The following IQGAP3 variants were observed in gnomAD, a reference collection of about 807,000 sequenced individuals.
The protein encoded by IQGAP3 is IQ motif containing GTPase activating protein 3, also known as ras GTPase-activating-like protein IQGAP3.
In IQGAP3, 165 loss-of-function variants were observed where a neutral mutation model predicts 208.2. The ratio of observed to expected loss-of-function variants is 0.79; its 90% CI spans 0.70 to 0.90. The LOEUF is 0.90. IQGAP3 is among the 40% of genes least tolerant of loss of function. The pLI, the probability that IQGAP3 is intolerant of heterozygous loss-of-function variation, is 0.00. For missense variants in IQGAP3, 1,811 were observed against 2,043.1 expected (o/e 0.89, Z 2.19); for synonymous variants, 703 against 803.6 (o/e 0.87, Z 2.12).
chr1:156,547,167 CAATT>C (rs1331135256), intron 19 of IQGAP3, among the ~76,000 whole-genome samples: 1 of 152,144 alleles, frequency 6.6e-6, no homozygotes, highest in East Asian at 1.9e-4. Flanking sequence ...CCTCATGTCT[CAATT>C]ACTTATGGGT....
intron 13 of IQGAP3, among the ~76,000 whole-genome samples, chr1:156,553,886 ATCT>A (rs915140469): frequency 5.3e-5 from 8 of 152,292 alleles, no homozygotes; most frequent in South Asian, 2.1e-4. Context: ...CAGCCACCTC[ATCT>A]TCTTTTCTCA....
At chr1:156,538,214 C>A (rs1674800012) in intron 26 of IQGAP3, among the ~76,000 whole-genome samples, 1 of 152,182 alleles carries the variant, frequency 6.6e-6, no homozygotes, top group Non-Finnish European at 1.5e-5. Flanking sequence ...GTGCCTGCCA[C>A]CACGCCCGGC....
chr1:156,526,513 G>T lies in IQGAP3; in HGVS notation c.4869C>A (p.Leu1623=). 1.2e-6 allele frequency: 2 copies of T among 1,614,008 alleles called. No individual in the cohort carries two copies. Among genetic ancestry groups the T allele is most frequent in the Non-Finnish European group, 1.7e-6 (2 of 1,179,844 alleles). Residue 1623 remains leucine (L), a synonymous_variant, in exon 38 of 38, where the codon CTC becomes CTA. Coordinates refer to ENST00000361170, the MANE Select transcript of IQGAP3 (RefSeq NM_178229.5). The part of the protein sequence containing the change: ...AKVNVNLLIF[L]LNKKFLRK ...ACTTCCGCAAAAACTTCTTGTTGAG[G>T]AGGAAGATGAGAAGGTTGACATTGA... is the stretch of plus-strand genomic sequence containing the variant.
chr1:156,531,529 C>T (rs1428008570), intron 32 of IQGAP3, among the ~76,000 whole-genome samples: 3 of 151,886 alleles, frequency 2.0e-5, no homozygotes, highest in Non-Finnish European at 4.4e-5. Context: ...CTTGGTGGTG[C>T]TCTGTGTTCA....
chr1:156,547,078 T>A (rs948014149), intron 19 of IQGAP3, among the ~76,000 whole-genome samples: 3 of 152,206 alleles, frequency 2.0e-5, no homozygotes, highest in African/African-American at 7.2e-5. Context: ...CCAGATCACA[T>A]CTGCCTGGGA....
chr1:156,559,726 A>C lies in IQGAP3; in HGVS notation c.1129+1208T>G, dbSNP rs1486220776. On this transcript the variant is annotated intron_variant, in intron 11 of 37. Transcript: ENST00000361170. The stretch of plus-strand genomic sequence containing the variant: ...CCGGTGATGGGAAAGGCTGGAGGGC[A>C]ATCTAGGGAGAATAGATTGTTTGCT... 3.3e-5 allele frequency among the ~76,000 whole-genome samples: 5 copies of C among 152,228 alleles called. No homozygotes were observed. The East Asian group carries it at 9.6e-4, about 29-fold the overall frequency.
rs199906363 is a variant in IQGAP3, at chr1:156,540,904, T to A, written c.2543A>T (p.His848Leu). The A allele has an allele frequency of 6.2e-7, 1 of 1,613,332 alleles. No individual in the cohort carries two copies. The highest frequency in any genetic ancestry group is 8.5e-7 in the Non-Finnish European group (1 of 1,179,836). ...DDYRILVHAP[H>L]PPLSVVRRFA... The stretch of plus-strand genomic sequence containing the variant: ...TCTGCGTACCACACTGAGAGGAGGG[T>A]GGGGTGCATGCACTGGGAGGAAGGG... The change falls in exon 23 of 38, where the codon CAC (histidine) becomes CTC (leucine). Residue 848 changes from histidine (H) to leucine (L), a missense_variant. Coordinates refer to ENST00000361170, the MANE Select transcript of IQGAP3 (RefSeq NM_178229.5).
At position 156,551,957 on chromosome 1, in the gene IQGAP3, C is replaced by A. The variant is rs892288033; in HGVS notation, c.1570+17G>T. ...CCTAAGTTGGGCCATCTCCACCCAG[C>A]TCCAGACTATACTTACGGTCAGTCT... On this transcript the variant is annotated intron_variant, in intron 14 of 37. Transcript: ENST00000361170. 4.3e-6 allele frequency: 7 copies of A among 1,611,560 alleles called. No individual in the cohort carries two copies. The highest frequency in any genetic ancestry group is 5.9e-6 in the Non-Finnish European group (7 of 1,178,498).
At chr1:156,568,366 C>A (rs766674766) in intron 2 of IQGAP3, among the ~76,000 whole-genome samples, 5 of 135,908 alleles carry the variant, frequency 3.7e-5, no homozygotes, top group Non-Finnish European at 6.3e-5. Context: ...AGGCATGCAC[C>A]ACTGCGACCA....
intron 31 of IQGAP3, among the ~76,000 whole-genome samples, chr1:156,533,492 C>A (rs953337424): frequency 1.3e-5 from 2 of 152,166 alleles, no homozygotes; most frequent in Non-Finnish European, 2.9e-5. Context: ...GAAACCCCTC[C>A]TTCTCAGAGA....
intron 34 of IQGAP3, among the ~76,000 whole-genome samples, chr1:156,529,330 A>G (rs1674267601): frequency 6.6e-6 from 1 of 152,158 alleles, no homozygotes; most frequent in African/African-American, 2.4e-5. Context: ...AGTTGCAAGG[A>G]TACTTTTGTA....
At chr1:156,554,450 T>G in intron 12 of IQGAP3, 58 bp from the exon 13 acceptor site, 9 of 1,483,838 alleles carry the variant, frequency 6.1e-6, no homozygotes, top group Non-Finnish European at 8.1e-6. Context: ...TAAAGGCCTA[T>G]TCACCATCCT....
At chr1:156,527,780 G>A (rs1011494960) in intron 37 of IQGAP3, among the ~76,000 whole-genome samples, 172 bp downstream of exon 37, 1 of 152,130 alleles carries the variant, frequency 6.6e-6, no homozygotes, top group Non-Finnish European at 1.5e-5. Context: ...GGGAAAGGGG[G>A]GCTTGGGCTG....
intron 7 of IQGAP3, 26 bp from the exon 8 acceptor site, chr1:156,563,338 C>A: frequency 6.4e-7 from 1 of 1,563,712 alleles, no homozygotes; most frequent in South Asian, 1.2e-5. Context: ...GAAACAAGGT[C>A]AGGAGGCCAG....
rs1305646391 is a variant in IQGAP3, at chr1:156,548,089, G to A, written c.2288C>T (p.Ala763Val). The A allele has an allele frequency of 6.2e-7, 1 of 1,613,362 alleles. No homozygotes were observed. Among genetic ancestry groups the A allele is most frequent in the Admixed American group, 1.7e-5 (1 of 59,946 alleles). The stretch of plus-strand genomic sequence containing the variant: ...GCCTGCCACCTGGATCTTGATGACT[G>A]CTGGGAGCCAGGTCCTCAGAAAGTG... ...HSHFLRTWLP[A>V]VIKIQAHWRG... Residue 763 changes from alanine (A) to valine (V), a missense_variant, in exon 19 of 38, where the codon GCA becomes GTA. Ala to Val is a moderately conservative substitution (Grantham distance 64, BLOSUM62 0). Coordinates refer to ENST00000361170, the MANE Select transcript of IQGAP3 (RefSeq NM_178229.5).
chr1:156,542,557 T>A (rs1166377826), intron 22 of IQGAP3, among the ~76,000 whole-genome samples: 1 of 152,166 alleles, frequency 6.6e-6, no homozygotes, highest in African/African-American at 2.4e-5. Context: ...TTGGATTCGA[T>A]GAAATACAGC....
rs1675484331 is a variant in IQGAP3 at position 156,550,273 on chromosome 1, T to C, written c.1813A>G (p.Thr605Ala). Residue 605 changes from threonine to alanine, a missense_variant, in exon 16 of 38, where the codon ACA (threonine) becomes GCA (alanine). Transcript: ENST00000361170. ...GVVRANQDTN[T>A]AQRMALGVAA... ...CCAGTCCATTTACTTCTCTGAGCTG[T>C]ATTAGTGTCCTGGTTGGCTCTGACC... 6.2e-7 allele frequency: 1 copy of C among 1,611,676 alleles called. No individual in the cohort carries two copies. The highest frequency in any genetic ancestry group is 1.3e-5 in the African/African-American group (1 of 74,840).
rs1290457789 is a variant in IQGAP3 at position 156,531,142 on chromosome 1, G to A, written c.4191+18C>T. On this transcript the variant is annotated intron_variant, in intron 33 of 37. Coordinates refer to ENST00000361170, the MANE Select transcript of IQGAP3 (RefSeq NM_178229.5). ...GGGATGAATGAGACAGAACCTGTGG[G>A]CCAGCCCGGCTACTCACTTGCTCTC... The A allele has an allele frequency of 6.3e-7, 1 of 1,582,940 alleles. No homozygotes were observed. Among genetic ancestry groups the A allele is most frequent in the Non-Finnish European group, 8.7e-7 (1 of 1,151,810 alleles).
At position 156,569,573 on chromosome 1, in the gene IQGAP3, C is replaced by T. The variant is rs557456139; in HGVS notation, c.38-110G>A. The T allele has an allele frequency of 1.3e-5, 6 of 454,830 alleles. No individual in the cohort carries two copies. The Admixed American group carries it at 2.9e-4, about 22-fold the overall frequency. 28.2% of individuals were successfully genotyped at this position (454,830 alleles called of 1,614,324 possible). On this transcript the variant is annotated intron_variant, in intron 1 of 37. Transcript: ENST00000361170. ...TTTTTGAGACGCCCAGGCTGGAGTG[C>T]AGTGGCCCAATCTTGGCTCACTGCA...
Sources: gnomAD v4.1 joint callset for allele counts (sites outside exome capture counted in the v4.1 genomes callset) on GRCh38, gnomAD v4.1.1 for gene constraint, MANE v1.5 for transcripts, NCBI Gene and HGNC (gene_info 2026-07-23, HGNC 2026-07-21) for gene names.